The following MYT1L variants were observed in gnomAD, a reference collection of about 807,000 sequenced individuals.
MYT1L encodes the protein myelin transcription factor 1-like protein.
In MYT1L, 12 loss-of-function variants were observed where a neutral mutation model predicts 126.7. The observed-to-expected ratio is 0.09, with a 90% confidence interval of 0.06 to 0.15. The LOEUF is 0.15. MYT1L is among the 10% of genes least tolerant of loss of function. The pLI, the probability that MYT1L is intolerant of heterozygous loss-of-function variation, is 1.00. For missense variants in MYT1L, 979 were observed against 1,585.2 expected, an observed-to-expected ratio of 0.62 and a Z score of 6.49; for synonymous variants, 541 against 604.2, an observed-to-expected ratio of 0.90 and a Z score of 1.53.
At chr2:1,993,413 A>G (rs2061592650) in intron 5 of MYT1L, among the ~76,000 whole-genome samples, 1 of 152,152 alleles carries the variant, frequency 6.6e-6, no homozygotes, top group African/African-American at 2.4e-5. Context: ...GGCTCTTTGT[A>G]TATTTATTGT....
chr2:2,057,350 C>A (rs1252115830), intron 3 of MYT1L, among the ~76,000 whole-genome samples: 2 of 152,072 alleles, frequency 1.3e-5, no homozygotes, highest in African/African-American at 2.4e-5. Flanking sequence ...CCACGCCCAG[C>A]CTCTTCCTGT....
intron 9 of MYT1L, among the ~76,000 whole-genome samples, chr2:1,927,011 C>CT (rs532434980): frequency 7.9e-5 from 12 of 152,264 alleles, no homozygotes; most frequent in Non-Finnish European, 1.8e-4. Context: ...TCTCAGCTCC[C>CT]TTTTTTTGGT....
intron 1 of MYT1L, among the ~76,000 whole-genome samples, chr2:2,291,585 A>G (rs1054469151): frequency 1.3e-5 from 2 of 152,244 alleles, no homozygotes; most frequent in Non-Finnish European, 2.9e-5. Context: ...TAATGGGACA[A>G]ACAAGAGGAA....
chr2:2,268,325 G>A (rs1431919598), intron 2 of MYT1L, among the ~76,000 whole-genome samples: 1 of 152,040 alleles, frequency 6.6e-6, no homozygotes, highest in African/African-American at 2.4e-5. Flanking sequence ...GTGAGATGAG[G>A]GGCATCATTC....
chr2:1,879,172 C>T (rs760391022), intron 18 of MYT1L, among the ~76,000 whole-genome samples: 21 of 152,170 alleles, frequency 1.4e-4, no homozygotes, highest in African/African-American at 3.4e-4. Flanking sequence ...CTCAAGAAAG[C>T]GCCTGGGAGA....
At chr2:2,298,129 C>T (rs1422260349) in intron 1 of MYT1L, among the ~76,000 whole-genome samples, 1 of 151,820 alleles carries the variant, frequency 6.6e-6, no homozygotes, top group East Asian at 1.9e-4. Context: ...TGAAGCCTGG[C>T]TTTTATTTTT....
Position 2,109,891 on chromosome 2 carries a change from A to G in MYT1L, c.-303-55768T>C, listed in dbSNP as rs928001451. Among the ~76,000 whole-genome samples the G allele has an allele frequency of 1.7e-4, 16 of 92,184 alleles. 1 individual carries two copies. Among genetic ancestry groups the G allele is most frequent in the Middle Eastern group, 4.9e-3 (1 of 206 alleles). 60.5% of individuals were successfully genotyped at this position (92,184 alleles called of 152,430 possible). A position where few individuals can be genotyped will look rare whatever the true frequency, so the allele number is the denominator to read the frequency against. ...GTGCTGATTTTATATATATATATAT[A>G]TATATATATATATATATATATATAT... On this transcript the variant is annotated intron_variant, in intron 3 of 24. Coordinates refer to ENST00000647738, the MANE Select transcript of MYT1L (RefSeq NM_001303052.2).
intron 9 of MYT1L, among the ~76,000 whole-genome samples, chr2:1,931,902 G>A (rs561305432): frequency 8.5e-5 from 13 of 152,180 alleles, no homozygotes; most frequent in Admixed American, 3.9e-4. Flanking sequence ...TCCTGTCCAC[G>A]CCCTCAGTGC....
At chr2:2,213,200 A>G (rs550494614) in intron 2 of MYT1L, among the ~76,000 whole-genome samples, 21 of 152,302 alleles carry the variant, frequency 1.4e-4, no homozygotes, top group Non-Finnish European at 2.2e-4. Context: ...AAGATAATGG[A>G]GAGTGATCCC....
Position 1,923,086 on chromosome 2 carries a change from T to C in MYT1L, c.683A>G (p.Asn228Ser), listed in dbSNP as rs1475211619. The stretch of plus-strand genomic sequence containing the variant: ...ATCGTCTTCCAGACTATTGGAGGTA[T>C]TGCTGTTCATTTCTGACTCAGTCCT... ...RARTESEMNS[N>S]TSNSLEDDSD... Residue 228 changes from asparagine to serine, a missense_variant, in exon 10 of 25, where the codon AAT becomes AGT. Around this residue, in one of 12 missense-constraint regions of MYT1L, gnomAD observed 243 missense variants for 363.9 expected, o/e 0.67. Coordinates refer to ENST00000647738, the MANE Select transcript of MYT1L (RefSeq NM_001303052.2). 1.2e-5 allele frequency: 19 copies of C among 1,613,934 alleles called. No individual in the cohort carries two copies. Among genetic ancestry groups the C allele is most frequent in the Non-Finnish European group, 1.4e-5 (17 of 1,179,898 alleles).
chr2:2,275,427 G>A (rs573707966), intron 2 of MYT1L, among the ~76,000 whole-genome samples: 1 of 152,172 alleles, frequency 6.6e-6, no homozygotes. Context: ...CTGGTCATGG[G>A]ATGTCAGAAA....
rs146371657 is a variant in MYT1L at position 1,904,688 on chromosome 2, C to T, written c.1818-1394G>A. Among the ~76,000 whole-genome samples the T allele has an allele frequency of 9.4e-3, 1,420 of 151,804 alleles. 8 individuals carry two copies. Among genetic ancestry groups the T allele is most frequent in the Non-Finnish European group, 0.015 (1,007 of 67,918 alleles). On this transcript the variant is annotated intron_variant, in intron 13 of 24. Transcript: ENST00000647738. Reference sequence around the variant, plus strand: ...GCCTGGCCATAGATGCACTGTTAATCGTAACATCCTACAGTCTCATCTGCC... The same window carrying T: ...GCCTGGCCATAGATGCACTGTTAATTGTAACATCCTACAGTCTCATCTGCC...
intron 10 of MYT1L, among the ~76,000 whole-genome samples, chr2:1,920,231 G>A (rs907357027): frequency 1.3e-5 from 2 of 152,138 alleles, no homozygotes; most frequent in African/African-American, 4.8e-5. Flanking sequence ...AGTTCTTACT[G>A]TTCATTCCCA....
At chr2:2,094,685 C>T (rs981067544) in intron 3 of MYT1L, among the ~76,000 whole-genome samples, 4 of 150,014 alleles carry the variant, frequency 2.7e-5, no homozygotes, top group African/African-American at 9.9e-5. Context: ...AAAAATCAAA[C>T]ATCGCATGTT....
intron 8 of MYT1L, among the ~76,000 whole-genome samples, chr2:1,976,119 CA>C (rs10622987): frequency 2.9e-3 from 303 of 104,236 alleles, no homozygotes; most frequent in South Asian, 7.0e-3. Flanking sequence ...GTTAAAAGAC[CA>C]AAAAAAAAAA....
At chr2:2,279,550 A>G (rs2095416275) in intron 2 of MYT1L, among the ~76,000 whole-genome samples, 1 of 147,084 alleles carries the variant, frequency 6.8e-6, no homozygotes, top group Non-Finnish European at 1.5e-5. Flanking sequence ...AGAGAGAAAG[A>G]GAGAAGGAAT....
intron 3 of MYT1L, among the ~76,000 whole-genome samples, chr2:2,129,213 C>T (rs921807279): frequency 3.9e-5 from 6 of 152,166 alleles, no homozygotes; most frequent in Non-Finnish European, 7.3e-5. Flanking sequence ...GTTACATCCA[C>T]AAGCACAGTT....
At chr2:1,962,404 C>T (rs547283738) in intron 8 of MYT1L, among the ~76,000 whole-genome samples, 22 of 152,332 alleles carry the variant, frequency 1.4e-4, no homozygotes, top group African/African-American at 5.3e-4. Flanking sequence ...TGAGAACGAT[C>T]AACCGAGCCT....
intron 3 of MYT1L, among the ~76,000 whole-genome samples, chr2:2,159,139 A>G (rs2087331042): frequency 6.6e-6 from 1 of 151,852 alleles, no homozygotes; most frequent in Non-Finnish European, 1.5e-5. Flanking sequence ...AGCTCCTGAG[A>G]CTCCCAGGAA....
Sources: allele counts gnomAD v4.1 joint callset (sites outside exome capture counted in the v4.1 genomes callset), GRCh38; gene constraint gnomAD v4.1.1; regional missense constraint gnomAD v4.1.1; transcripts MANE v1.5; gene names NCBI Gene and HGNC (gene_info 2026-07-23, HGNC 2026-07-21).